FHL2: variants seen among roughly 807,000 people sequenced by gnomAD.
FHL2 encodes the protein four and a half LIM domains 2, also known as four and a half LIM domains protein 2.
Under a neutral mutation model 32.7 loss-of-function variants are expected in FHL2, and 20 were observed. The ratio of observed to expected loss-of-function variants is 0.61; its 90% confidence interval spans 0.43 to 0.89. The LOEUF is 0.89. FHL2 is among the 40% of genes least tolerant of loss of function. FHL2 has a pLI of 0.00. For missense variants in FHL2, 311 were observed against 358.6 expected (o/e 0.87, Z 1.07); for synonymous variants, 123 against 128.1 (o/e 0.96, Z 0.27).
chr2:105,427,679 T>G (rs1428395314), intron 1 of FHL2, among the ~76,000 whole-genome samples: 1 of 152,170 alleles, frequency 6.6e-6, no homozygotes, highest in Non-Finnish European at 1.5e-5. Context: ...GTGAAAGGAA[T>G]GAGAGTGTTT....
intron 6 of FHL2, among the ~76,000 whole-genome samples, chr2:105,361,672 G>A (rs1382890417): frequency 6.6e-6 from 1 of 152,200 alleles, no homozygotes; most frequent in African/African-American, 2.4e-5. Flanking sequence ...TGGGATAAGT[G>A]CGATCAAAGA....
intron 3 of FHL2, among the ~76,000 whole-genome samples, chr2:105,382,225 G>A (rs775386093): frequency 6.6e-6 from 1 of 152,172 alleles, no homozygotes; most frequent in Non-Finnish European, 1.5e-5. Flanking sequence ...ATTCTGCAAT[G>A]TAATCATCAC....
chr2:105,399,571 G>C, upstream of FHL2: 3 of 1,535,208 alleles, frequency 2.0e-6, no homozygotes, highest in Non-Finnish European at 2.6e-6. Context: ...CCACTACGGA[G>C]GGGACTAAAG....
At chr2:105,433,975 T>G (rs996073976) in intron 1 of FHL2, among the ~76,000 whole-genome samples, 6 of 151,294 alleles carry the variant, frequency 4.0e-5, no homozygotes, top group Non-Finnish European at 5.9e-5. Context: ...TACCCACCCC[T>G]CAACACATTT....
intron 1 of FHL2, among the ~76,000 whole-genome samples, chr2:105,433,847 T>A (rs536216255): frequency 1.3e-5 from 2 of 152,364 alleles, no homozygotes; most frequent in Non-Finnish European, 2.9e-5. Flanking sequence ...TTTTTCTTTT[T>A]TCCCCTTTTA....
intron 1 of FHL2, among the ~76,000 whole-genome samples, chr2:105,417,827 C>T (rs13384810): frequency 0.032 from 4,815 of 152,008 alleles, 96 homozygotes; most frequent in African/African-American, 0.042. Flanking sequence ...TCTTTTTCCC[C>T]CTACTGCTTG....
upstream of FHL2, among the ~76,000 whole-genome samples, chr2:105,402,607 A>C (rs1360967092): frequency 6.6e-6 from 1 of 152,184 alleles, no homozygotes; most frequent in Admixed American, 6.5e-5. Flanking sequence ...TAGGAAACAA[A>C]TTTGTTAAAC....
intron 2 of FHL2, among the ~76,000 whole-genome samples, chr2:105,395,603 C>G (rs1004411037): frequency 6.6e-6 from 1 of 152,208 alleles, no homozygotes; most frequent in African/African-American, 2.4e-5. Flanking sequence ...TCCCGAGAGG[C>G]TTGCACAGTT....
intron 1 of FHL2, among the ~76,000 whole-genome samples, chr2:105,411,704 G>A (rs189703885): frequency 6.6e-6 from 1 of 151,768 alleles, no homozygotes; most frequent in African/African-American, 2.4e-5. Flanking sequence ...ATTGGGCATG[G>A]TGGTGAGCTC....
chr2:105,391,253 TC>T (rs1459021172), intron 2 of FHL2, among the ~76,000 whole-genome samples: 1 of 152,102 alleles, frequency 6.6e-6, no homozygotes, highest in African/African-American at 2.4e-5. Context: ...TGCAGGCCCC[TC>T]CCCTCAAGGG....
At chr2:105,364,949 A>G (rs1573279547) in intron 5 of FHL2, among the ~76,000 whole-genome samples, 1 of 152,036 alleles carries the variant, frequency 6.6e-6, no homozygotes, top group Non-Finnish European at 1.5e-5. Flanking sequence ...AGTATAACCC[A>G]CCCCACTGCA....
intron 1 of FHL2, among the ~76,000 whole-genome samples, chr2:105,435,525 C>T (rs1475955822): frequency 6.6e-6 from 1 of 152,140 alleles, no homozygotes; most frequent in Non-Finnish European, 1.5e-5. Flanking sequence ...CCCATAGCCG[C>T]TTCAGATACC....
downstream of FHL2, chr2:105,360,801 T>C (rs1680195328): frequency 6.5e-6 from 1 of 154,466 alleles, no homozygotes. Flanking sequence ...TAATCATGAT[T>C]TCACACTCTG....
rs114189523 is a variant in FHL2, at chr2:105,394,644, A to G, written c.-25+2003T>C. Among the ~76,000 whole-genome samples the G allele has an allele frequency of 7.1e-3, 1,087 of 152,220 alleles. 5 individuals are homozygous for G. Among genetic ancestry groups the G allele is most frequent in the African/African-American group, 0.024 (977 of 41,534 alleles). ...GAAAAAAGAAAGAAAGAAAAAAAGT[A>G]TCTAGCATCCACTTGAAATCTATTT... On this transcript the variant is annotated intron_variant, in intron 2 of 6. Coordinates refer to ENST00000530340, the MANE Select transcript of FHL2 (RefSeq NM_001318895.3).
At chr2:105,426,898 T>C (rs1285612283) in intron 1 of FHL2, among the ~76,000 whole-genome samples, 2 of 152,232 alleles carry the variant, frequency 1.3e-5, no homozygotes, top group Non-Finnish European at 2.9e-5. Context: ...CCTTGGTGAA[T>C]GGTGCAAGGT....
intron 4 of FHL2, among the ~76,000 whole-genome samples, chr2:105,372,735 G>A (rs868171263): frequency 2.0e-5 from 3 of 151,894 alleles, no homozygotes; most frequent in Non-Finnish European, 2.9e-5. Flanking sequence ...GTTGCAGTGA[G>A]TCAAGATTGC....
At chr2:105,402,009 A>T (rs1683479715), upstream of FHL2, among the ~76,000 whole-genome samples, 1 of 150,938 alleles carries the variant, frequency 6.6e-6, no homozygotes, top group African/African-American at 2.4e-5. Context: ...ACGAATATAT[A>T]CATATATACG....
intron 3 of FHL2, among the ~76,000 whole-genome samples, chr2:105,383,828 G>A (rs1682088591): frequency 6.6e-6 from 1 of 152,290 alleles, no homozygotes; most frequent in South Asian, 2.1e-4. Context: ...AGCATCAAAA[G>A]CCCCAAATGC....
At chr2:105,375,720 T>G (rs947781444) in intron 3 of FHL2, 8 of 152,214 alleles carry the variant, frequency 5.3e-5, no homozygotes, top group African/African-American at 7.2e-5. Flanking sequence ...CTCTGGGTAT[T>G]GTGGGTCCCC....
Sources: allele counts gnomAD v4.1 joint callset (sites outside exome capture counted in the v4.1 genomes callset), GRCh38; gene constraint gnomAD v4.1.1; transcripts MANE v1.5; gene names NCBI Gene and HGNC (gene_info 2026-07-23, HGNC 2026-07-21).